Variants in NKIRAS1 observed in about 807,000 individuals in gnomAD.
NKIRAS1 encodes NF-kappa-B inhibitor-interacting Ras-like protein 1.
NKIRAS1 carries 16 observed loss-of-function variants against 19.8 expected under a neutral mutation model. That is an observed-to-expected ratio of 0.81 (90% CI 0.55 to 1.23). The LOEUF is 1.23. NKIRAS1 is among the 50% of genes most tolerant of loss of function. The pLI is 0.00. For missense variants in NKIRAS1, 184 were observed against 220.0 expected (o/e 0.84, Z 1.04); for synonymous variants, 88 against 79.0 (o/e 1.11, Z -0.61).
In NKIRAS1 at chr3:23,945,509, T is replaced by TGAG. The variant is rs2125275325; in HGVS notation, c.-140+811_-140+813dup. The TGAG allele has an allele frequency of 4.3e-6, 4 of 932,504 alleles. No individual in the cohort carries two copies. The South Asian group carries it at 2.1e-4, about 50-fold the overall frequency. 57.8% of individuals were successfully genotyped at this position (932,504 alleles called of 1,614,324 possible). On this transcript the variant is annotated intron_variant, in intron 1 of 4. Transcript: ENST00000421515. ...CTTCCAGCCCGGGGCGGCGCGGCGC[T>TGAG]GAGGCGGCGGCGGCGGCGCTGCCCC...
chr3:23,899,546 C>A (rs867284177), intron 4 of NKIRAS1, among the ~76,000 whole-genome samples: 2 of 151,940 alleles, frequency 1.3e-5, no homozygotes, highest in African/African-American at 4.8e-5. Context: ...GAGTCCGCCA[C>A]GTGAAGATCT....
At chr3:23,900,759 T>C (rs1390356700) in intron 4 of NKIRAS1, 49 bp downstream of exon 4, 2 of 1,475,034 alleles carry the variant, frequency 1.4e-6, no homozygotes, top group Non-Finnish European at 1.9e-6. Flanking sequence ...GTGCTATAAT[T>C]TAAATGGTAT....
chr3:23,914,681 C>T (rs1234168518), intron 1 of NKIRAS1, among the ~76,000 whole-genome samples: 1 of 152,190 alleles, frequency 6.6e-6, no homozygotes, highest in African/African-American at 2.4e-5. Context: ...GAAATCATCC[C>T]TTGTCCTCAG....
chr3:23,911,141 C>T (rs1027414657), intron 2 of NKIRAS1, among the ~76,000 whole-genome samples, 188 bp downstream of exon 2: 1 of 152,122 alleles, frequency 6.6e-6, no homozygotes, highest in African/African-American at 2.4e-5. Context: ...ATATATCTCA[C>T]GGAGACAATG....
At chr3:23,894,845 C>T (rs1021677605) in intron 4 of NKIRAS1, among the ~76,000 whole-genome samples, 2 of 152,148 alleles carry the variant, frequency 1.3e-5, no homozygotes. Flanking sequence ...CAGGCCGGCC[C>T]CCCAACTGCT....
chr3:23,918,208 C>A, upstream of NKIRAS1: 2 of 952,194 alleles, frequency 2.1e-6, no homozygotes, highest in East Asian at 2.6e-5. Context: ...GCAAGTGTGT[C>A]AAAGGTTACA....
intron 1 of NKIRAS1, among the ~76,000 whole-genome samples, chr3:23,925,555 G>T (rs1160555423): frequency 6.6e-6 from 1 of 152,156 alleles, no homozygotes; most frequent in African/African-American, 2.4e-5. Context: ...AATCACCTGA[G>T]CTTGGGAAGT....
In NKIRAS1 at chr3:23,926,417, TTCC is replaced by T. The variant is rs1050581367; in HGVS notation, c.-139-14970_-139-14968del. Among the ~76,000 whole-genome samples the T allele has an allele frequency of 6.6e-6, 1 of 152,082 alleles. No individual in the cohort carries two copies. Among genetic ancestry groups the T allele is most frequent in the African/African-American group, 2.4e-5 (1 of 41,418 alleles). Reference sequence around the variant, plus strand: ...TCTTCTTTCTTCTTCCTCCTCCTCCTTCCTCCTCCTCCTCTTGCTCCTCGTCCT... The same window carrying T: ...TCTTCTTTCTTCTTCCTCCTCCTCCTTCCTCCTCCTCTTGCTCCTCGTCCT... On this transcript the variant is annotated intron_variant, in intron 1 of 4. Coordinates refer to the NKIRAS1 transcript ENST00000421515. The surrounding 1 kb of genome is among the most constrained non-coding windows in gnomAD (Gnocchi z 4.3).
Position 23,892,857 on chromosome 3 carries a change from A to C in NKIRAS1, c.*238T>G, listed in dbSNP as rs1575054160. 3.2e-6 allele frequency: 1 copy of C among 308,868 alleles called. No homozygotes were observed. The highest frequency in any genetic ancestry group is 5.9e-6 in the Non-Finnish European group (1 of 170,552). The allele number at this position is 308,868 out of a possible 1,614,324, so 19.1% of individuals were successfully genotyped here. ...GTACAACATAAATAACAAAGGTGCT[A>C]ATTTCAAAGACAGGTTTCAAACAAT... On this transcript the variant is annotated 3_prime_UTR_variant, in exon 5 of 5. Transcript: ENST00000425478.
At chr3:23,945,669 G>T in intron 1 of NKIRAS1, 1 of 995,848 alleles carries the variant, frequency 1.0e-6, no homozygotes. Flanking sequence ...TTGGGGGGCG[G>T]CGGCAGGGGG....
intron 1 of NKIRAS1, among the ~76,000 whole-genome samples, chr3:23,912,218 C>T (rs1328626521): frequency 1.3e-5 from 2 of 152,160 alleles, no homozygotes; most frequent in African/African-American, 4.8e-5. Flanking sequence ...TAAAGAGCTT[C>T]TGCACAGCAA....
At chr3:23,937,669 T>C (rs1705419665) in intron 1 of NKIRAS1, among the ~76,000 whole-genome samples, 1 of 152,126 alleles carries the variant, frequency 6.6e-6, no homozygotes, top group Non-Finnish European at 1.5e-5. Context: ...TGTTGAACTG[T>C]CATGCAACTT....
rs974443534 is a variant in NKIRAS1, at chr3:23,939,960, T to C, written c.-140+6363A>G. Among the ~76,000 whole-genome samples the C allele has an allele frequency of 4.6e-5, 7 of 152,200 alleles. No individual in the cohort carries two copies. The East Asian group carries it at 7.7e-4, about 17-fold the overall frequency. On this transcript the variant is annotated intron_variant, in intron 1 of 4. Coordinates refer to the NKIRAS1 transcript ENST00000421515. ...TGAATTTGGTTGCCACATGTGGCTA[T>C]TGACACTTGAAATGTGACTACAGCA...
chr3:23,935,264 A>G (rs9831760), intron 1 of NKIRAS1, among the ~76,000 whole-genome samples: 97,166 of 151,558 alleles, frequency 0.64, 31,361 homozygotes, highest in Middle Eastern at 0.73. Context: ...TTTATTGCCA[A>G]CTCAAAAATA....
Position 23,890,733 on chromosome 3 carries a change from C to CTTAT in NKIRAS1, c.*2358_*2361dup. 1 of 784,844 alleles carries CTTAT rather than the reference C, an allele frequency of 1.3e-6. No individual in the cohort carries two copies. 48.6% of individuals were successfully genotyped at this position (784,844 alleles called of 1,614,324 possible). On this transcript the variant is annotated 3_prime_UTR_variant, in exon 5 of 5. Transcript: ENST00000425478. ...ATTTCTATAACAGATATTATTCAGT[C>CTTAT]TTATTTCCTAAGATTTTGTTGTAAC...
Position 23,931,670 on chromosome 3 carries a change from A to G in NKIRAS1, c.-140+14653T>C, listed in dbSNP as rs759180218. On this transcript the variant is annotated intron_variant, in intron 1 of 4. Coordinates refer to the NKIRAS1 transcript ENST00000421515. Reference sequence around the variant, plus strand: ...TTTGTTTTGTCCACCAATACGCCCAATAAGTATTAGTGGAAGGGAGGAAAA... The same window carrying G: ...TTTGTTTTGTCCACCAATACGCCCAGTAAGTATTAGTGGAAGGGAGGAAAA... Among the ~76,000 whole-genome samples the G allele has an allele frequency of 2.4e-4, 36 of 151,932 alleles. 1 individual carries two copies. The highest frequency in any genetic ancestry group is 5.9e-5 in the Non-Finnish European group (4 of 68,016).
chr3:23,929,170 C>T (rs1447569404), intron 1 of NKIRAS1, among the ~76,000 whole-genome samples: 6 of 151,528 alleles, frequency 4.0e-5, no homozygotes, highest in Non-Finnish European at 7.4e-5. Context: ...GAGACCAGCC[C>T]GGTCAACGTG....
upstream of NKIRAS1, chr3:23,921,511 C>G (rs1705078157): frequency 3.0e-6 from 2 of 674,226 alleles, no homozygotes; most frequent in Non-Finnish European, 5.3e-6. Flanking sequence ...CAAGCTGTTC[C>G]CATTTGCTTT....
At chr3:23,942,344 C>T (rs1297552462) in intron 1 of NKIRAS1, among the ~76,000 whole-genome samples, 1 of 152,138 alleles carries the variant, frequency 6.6e-6, no homozygotes, top group Non-Finnish European at 1.5e-5. Context: ...ACAGCTTCTC[C>T]CACTATCAAA....
Sources: gnomAD v4.1 joint callset for allele counts (sites outside exome capture counted in the v4.1 genomes callset) on GRCh38, gnomAD v4.1.1 for gene constraint, Gnocchi (gnomAD v3.1) non-coding constraint, MANE v1.5 for transcripts, NCBI Gene and HGNC (gene_info 2026-07-23, HGNC 2026-07-21) for gene names.